Variants in STK3 observed in about 807,000 individuals in gnomAD.
The protein encoded by STK3 is serine/threonine-protein kinase 3.
STK3 carries 41 observed loss-of-function variants against 58.0 expected under a neutral mutation model. That is an observed-to-expected ratio of 0.71 (90% confidence interval 0.55 to 0.92). The LOEUF (loss-of-function observed/expected upper bound fraction) is 0.92, where lower values mean the gene tolerates loss of function less well. Ranked by LOEUF, STK3 falls within the 40% of genes least tolerant of loss-of-function variation. The pLI is 0.00. For synonymous variants in STK3, 170 were observed against 191.0 expected (o/e 0.89, Z 0.91); for missense variants, 479 against 602.7 (o/e 0.79, Z 2.15).
chr8:98,351,630 G>A, the STK3 span, among the ~76,000 whole-genome samples: 1 of 152,108 alleles, frequency 6.6e-6, no homozygotes, highest in African/African-American at 2.4e-5. Context: ...GGGCTGCAGA[G>A]GGACTATATA....
At chr8:98,375,496 A>G (rs1817664859) in intron 2 of STK3, among the ~76,000 whole-genome samples, 1 of 152,154 alleles carries the variant, frequency 6.6e-6, no homozygotes, top group Non-Finnish European at 1.5e-5. Flanking sequence ...ATACTACTAT[A>G]ATCAGGATAC....
chr8:98,473,261 C>A (rs1298651698), intron 10 of STK3, among the ~76,000 whole-genome samples: 1 of 152,108 alleles, frequency 6.6e-6, no homozygotes, highest in Admixed American at 6.5e-5. Context: ...GTAATGAATT[C>A]GCATACCTGC....
intron 7 of STK3, among the ~76,000 whole-genome samples, chr8:98,588,103 A>G (rs879357646): frequency 1.1e-3 from 174 of 151,780 alleles, no homozygotes; most frequent in Middle Eastern, 3.4e-3. Flanking sequence ...TTTACATTTA[A>G]AGTTAATATT....
In STK3 at chr8:98,923,854, T is replaced by TGCGCGC. The variant is rs3029998; in HGVS notation, c.-79+18518_-79+18523dup. ...GTGTGTGTGTGTGTGTGTGTGTGTG[T>TGCGCGC]GCGCGCGCGCGCGCGCGCGCGCGTT... is the stretch of plus-strand genomic sequence containing the variant. On this transcript the variant is annotated intron_variant, in intron 1 of 1. Transcript: ENST00000519420. 2.4e-3 allele frequency among the ~76,000 whole-genome samples: 277 copies of TGCGCGC among 113,598 alleles called. 1 individual carries two copies. Among genetic ancestry groups the TGCGCGC allele is most frequent in the Non-Finnish European group, 3.3e-3 (169 of 51,964 alleles). The allele number at this position is 113,598 out of a possible 152,430, so 74.5% of individuals were successfully genotyped here. A position where few individuals can be genotyped will look rare whatever the true frequency, so the allele number is the denominator to read the frequency against.
rs745742773 is a variant in STK3, at chr8:98,403,982, AC to A, written n.484-2470del. Among the ~76,000 whole-genome samples, 7 of 152,314 alleles carry A rather than the reference AC, an allele frequency of 4.6e-5. No homozygotes were observed. In the South Asian group the frequency reaches 1.0e-3, roughly 23 times the overall value. On this transcript the variant is annotated intron_variant and non_coding_transcript_variant, in intron 3 of 3. Coordinates refer to the STK3 transcript ENST00000517832. ...GTAGGCAGTTGACTTGGTTGAACTC[AC>A]ACTGCATATTCTGTCTCCTGGGTGG... is the stretch of plus-strand genomic sequence containing the variant.
intron 1 of STK3, among the ~76,000 whole-genome samples, chr8:98,931,316 G>C (rs944791561): frequency 6.6e-6 from 1 of 152,156 alleles, no homozygotes; most frequent in Non-Finnish European, 1.5e-5. Flanking sequence ...TAGAACAATT[G>C]TAGGATAGAG....
chr8:98,553,150 AT>A (rs1260097173), intron 8 of STK3, among the ~76,000 whole-genome samples: 10 of 152,256 alleles, frequency 6.6e-5, no homozygotes, highest in Non-Finnish European at 1.0e-4. Context: ...TATATTTAAC[AT>A]ACAACAGATA....
At chr8:98,427,797 AC>A (rs1349816900) in intron 3 of STK3, 1 of 581,316 alleles carries the variant, frequency 1.7e-6, no homozygotes, top group Non-Finnish European at 3.0e-6. Context: ...AGGGGATCAG[AC>A]CCCTCAAACT....
rs189395699 is a variant in STK3 at position 98,402,264 on chromosome 8, C to T, written n.484-751G>A. On this transcript the variant is annotated intron_variant and non_coding_transcript_variant, in intron 3 of 3. Transcript: ENST00000517832. The stretch of plus-strand genomic sequence containing the variant: ...CCCACCCAGCCATAAGGCCGGTGCA[C>T]TTGCCACTAACCCATTCAGCCATAG... 8.5e-5 allele frequency among the ~76,000 whole-genome samples: 13 copies of T among 152,288 alleles called. No individual in the cohort carries two copies. In the East Asian group the frequency reaches 2.5e-3, roughly 29 times the overall value.
intron 1 of STK3, among the ~76,000 whole-genome samples, chr8:98,890,132 T>TGGTTGTGCTGGGACAAAGTACCC (rs1173586874): frequency 2.6e-5 from 4 of 152,160 alleles, no homozygotes; most frequent in African/African-American, 9.7e-5. Flanking sequence ...AGTGAGTCCG[T>TGGTTGTGCTGGGACAAAGTACCC]GGTTGTGCTG....
At chr8:98,867,466 A>T (rs1405892867) in intron 3 of STK3, among the ~76,000 whole-genome samples, 1 of 152,142 alleles carries the variant, frequency 6.6e-6, no homozygotes, top group Non-Finnish European at 1.5e-5. Context: ...TGTTTATCTA[A>T]CTTGTCTAGG....
At chr8:98,549,582 G>C (rs1337501777) in intron 8 of STK3, among the ~76,000 whole-genome samples, 1 of 152,058 alleles carries the variant, frequency 6.6e-6, no homozygotes, top group Non-Finnish European at 1.5e-5. Context: ...TAATTTTGAT[G>C]AAGTCTGATT....
chr8:98,922,944 T>A (rs952721716), intron 1 of STK3, among the ~76,000 whole-genome samples: 5 of 152,256 alleles, frequency 3.3e-5, no homozygotes, highest in East Asian at 1.9e-4. Flanking sequence ...ATATGGAAAC[T>A]ATTTTTTCTT....
downstream of STK3, among the ~76,000 whole-genome samples, chr8:98,401,046 A>G (rs1472695483): frequency 5.3e-5 from 8 of 152,140 alleles, no homozygotes; most frequent in Non-Finnish European, 8.8e-5. Flanking sequence ...GCAACTTCCA[A>G]AAAGCAAGTT....
intron 3 of STK3, among the ~76,000 whole-genome samples, chr8:98,840,583 GTATATATATATA>G (rs59274441): frequency 0.027 from 2,158 of 80,104 alleles, 95 homozygotes; most frequent in African/African-American, 0.091. Context: ...AGAAAAAAAT[GTATATATATATA>G]TATATATATA....
At chr8:98,642,306 A>G (rs1418098392) in intron 6 of STK3, among the ~76,000 whole-genome samples, 1 of 152,160 alleles carries the variant, frequency 6.6e-6, no homozygotes, top group Non-Finnish European at 1.5e-5. Context: ...TAACAATGGT[A>G]AAGATGGTTA....
chr8:98,390,838 T>C (rs1314355242), upstream of STK3, among the ~76,000 whole-genome samples: 1 of 152,198 alleles, frequency 6.6e-6, no homozygotes, highest in Non-Finnish European at 1.5e-5. Context: ...ATCCCATGTG[T>C]TTTATTTTGG....
At chr8:98,623,688 G>A (rs929784345) in intron 6 of STK3, among the ~76,000 whole-genome samples, 1 of 152,186 alleles carries the variant, frequency 6.6e-6, no homozygotes, top group Non-Finnish European at 1.5e-5. Context: ...GGAGGCTGAG[G>A]TGGAAGGATC....
At chr8:98,675,915 T>C (rs1300425831) in intron 6 of STK3, among the ~76,000 whole-genome samples, 1 of 151,862 alleles carries the variant, frequency 6.6e-6, no homozygotes, top group East Asian at 1.9e-4. Context: ...TGTGTCCACA[T>C]TCATAGCACG....
Sources: gnomAD v4.1 joint callset for allele counts (sites outside exome capture counted in the v4.1 genomes callset) on GRCh38, gnomAD v4.1.1 for gene constraint, MANE v1.5 for transcripts, NCBI Gene and HGNC (gene_info 2026-07-23, HGNC 2026-07-21) for gene names.